Variants in PRKG1 observed in about 807,000 individuals in gnomAD.
PRKG1 encodes the protein protein kinase cGMP-dependent 1.
A neutral mutation model predicts 88.1 loss-of-function variants in PRKG1; 35 were observed. That is an observed-to-expected ratio of 0.40 (90% CI 0.30 to 0.53). PRKG1 has a LOEUF of 0.53. Among genes scored for constraint, PRKG1 ranks in the 20% least tolerant of loss-of-function variants. The pLI, the probability that PRKG1 is intolerant of heterozygous loss-of-function variation, is 0.59. For synonymous variants in PRKG1, 303 were observed against 292.5 expected, an observed-to-expected ratio of 1.04 and a Z score of -0.37; for missense variants, 540 against 839.8, an observed-to-expected ratio of 0.64 and a Z score of 4.41.
At position 52,057,117 on chromosome 10, in the gene PRKG1, G is replaced by A. The variant is rs553084627; in HGVS notation, c.840+2556G>A. 9.2e-5 allele frequency among the ~76,000 whole-genome samples: 14 copies of A among 152,234 alleles called. No individual in the cohort carries two copies. The South Asian group carries it at 2.5e-3, about 27-fold the overall frequency. On this transcript the variant is annotated intron_variant, in intron 6 of 17. Coordinates refer to ENST00000373980, the MANE Select transcript of PRKG1 (RefSeq NM_006258.4). Reference sequence around the variant, plus strand: ...ATCTGTTTCTTGCTACCACCAAACTGGCTTTTTCTTAGAAAATGCTGTGAG... The same window carrying A: ...ATCTGTTTCTTGCTACCACCAAACTAGCTTTTTCTTAGAAAATGCTGTGAG...
chr10:51,532,029 C>G (rs940102679), intron 3 of PRKG1, among the ~76,000 whole-genome samples: 2 of 152,114 alleles, frequency 1.3e-5, no homozygotes, highest in Admixed American at 6.5e-5. Flanking sequence ...TTACAAAAAC[C>G]AGTTCATCTC....
chr10:51,765,815 ATTTTTTTTTTTT>A (rs398046339), intron 3 of PRKG1, among the ~76,000 whole-genome samples: 64,866 of 135,062 alleles, frequency 0.48, 15,032 homozygotes, highest in Middle Eastern at 0.58. Flanking sequence ...GCCTTACATG[ATTTTTTTTTTTT>A]TTTTTTTTTT....
chr10:51,932,585 C>G (rs1842717327), intron 5 of PRKG1, among the ~76,000 whole-genome samples: 1 of 152,098 alleles, frequency 6.6e-6, no homozygotes. Flanking sequence ...TCTAAGTGGA[C>G]AGATGGAGGA....
chr10:52,007,376 G>A (rs1241486248), intron 5 of PRKG1, among the ~76,000 whole-genome samples: 1 of 138,712 alleles, frequency 7.2e-6, no homozygotes, highest in African/African-American at 2.6e-5. Context: ...CTGTCTTCAA[G>A]AGACCCACCT....
chr10:51,484,635 T>C (rs1305234451), intron 3 of PRKG1, among the ~76,000 whole-genome samples: 1 of 152,162 alleles, frequency 6.6e-6, no homozygotes, highest in East Asian at 1.9e-4. Context: ...CAAAGTTTTA[T>C]TGAGCACCTA....
Position 51,074,805 on chromosome 10 carries a change from C to G in PRKG1, c.215C>G (p.Pro72Arg), listed in dbSNP as rs748386318. ...KQSASTLQGE[P>R]RTKRQAISAE... is the part of the protein sequence containing the mutation. ...AGCGCGAGCACCTTGCAGGGCGAGC[C>G]GCGCACCAAGCGGCAGGCGATCTCC... Residue 72 changes from proline (P) to arginine (R), a missense_variant, in exon 1 of 18, where the codon CCG becomes CGG. Coordinates refer to ENST00000373980, the MANE Select transcript of PRKG1 (RefSeq NM_006258.4). 2 of 1,613,860 alleles carry G rather than the reference C, an allele frequency of 1.2e-6. No individual in the cohort carries two copies. Among genetic ancestry groups the G allele is most frequent in the Non-Finnish European group, 8.5e-7 (1 of 1,179,906 alleles).
At chr10:51,699,781 G>T (rs1841416119) in intron 3 of PRKG1, among the ~76,000 whole-genome samples, 1 of 152,218 alleles carries the variant, frequency 6.6e-6, no homozygotes, top group Non-Finnish European at 1.5e-5. Context: ...AGAGTCGCAT[G>T]ATTCCTTTCC....
intron 4 of PRKG1, among the ~76,000 whole-genome samples, chr10:51,850,469 G>C (rs1006094089): frequency 2.0e-5 from 3 of 151,786 alleles, no homozygotes; most frequent in African/African-American, 7.3e-5. Flanking sequence ...AAGCCACAGT[G>C]TCCAGCCCAT....
chr10:51,008,023 C>T (rs891335969), intron 1 of PRKG1, among the ~76,000 whole-genome samples: 1 of 152,132 alleles, frequency 6.6e-6, no homozygotes, highest in Non-Finnish European at 1.5e-5. Context: ...TGGTCCAAGA[C>T]GTCTGGCTCT....
At chr10:51,503,399 T>C (rs886545021) in intron 3 of PRKG1, among the ~76,000 whole-genome samples, 1 of 152,166 alleles carries the variant, frequency 6.6e-6, no homozygotes, top group Admixed American at 6.6e-5. Flanking sequence ...GAAAACCCCA[T>C]TGAAGAGCAT....
intron 2 of PRKG1, among the ~76,000 whole-genome samples, chr10:51,310,139 G>T (rs1387733807): frequency 6.6e-6 from 1 of 152,094 alleles, no homozygotes; most frequent in Non-Finnish European, 1.5e-5. Flanking sequence ...TACCTAATGG[G>T]TATAATGTAC....
chr10:51,577,386 C>T (rs903815206), intron 3 of PRKG1, among the ~76,000 whole-genome samples: 2 of 151,968 alleles, frequency 1.3e-5, no homozygotes, highest in Non-Finnish European at 2.9e-5. Context: ...TTTAAATCAA[C>T]TATATTACTT....
At chr10:51,193,211 G>T (rs1462920853) in intron 2 of PRKG1, among the ~76,000 whole-genome samples, 3 of 152,096 alleles carry the variant, frequency 2.0e-5, no homozygotes, top group South Asian at 4.1e-4. Context: ...ACAGTTTGGG[G>T]AATGAAGGTA....
At chr10:52,231,586 C>T (rs138877362) in intron 9 of PRKG1, among the ~76,000 whole-genome samples, 32 of 152,254 alleles carry the variant, frequency 2.1e-4, no homozygotes, top group Admixed American at 9.8e-4. Flanking sequence ...TTCACCATTA[C>T]GCTAGGTAAC....
intron 5 of PRKG1, among the ~76,000 whole-genome samples, chr10:51,994,807 A>C (rs1844397365): frequency 6.6e-6 from 1 of 152,206 alleles, no homozygotes. Flanking sequence ...CATATGGAGC[A>C]CTGATATCTG....
At chr10:51,812,006 G>A (rs547488767) in intron 4 of PRKG1, among the ~76,000 whole-genome samples, 1 of 152,278 alleles carries the variant, frequency 6.6e-6, no homozygotes, top group East Asian at 1.9e-4. Flanking sequence ...TATGAAGAGT[G>A]CCTGGGTTTA....
At chr10:51,503,583 C>T (rs1360362455) in intron 3 of PRKG1, among the ~76,000 whole-genome samples, 2 of 152,164 alleles carry the variant, frequency 1.3e-5, no homozygotes, top group African/African-American at 2.4e-5. Context: ...CTTAGCCAGC[C>T]TTTGAATCAT....
At chr10:51,937,091 C>T (rs1422058724) in intron 5 of PRKG1, among the ~76,000 whole-genome samples, 1 of 151,932 alleles carries the variant, frequency 6.6e-6, no homozygotes, top group Admixed American at 6.6e-5. Flanking sequence ...AGTTGGAAAA[C>T]ACTTTAAGAA....
Position 52,181,107 on chromosome 10 carries a change from G to C in PRKG1, c.1076+19144G>C, listed in dbSNP as rs557230768. 5.9e-5 allele frequency among the ~76,000 whole-genome samples: 9 copies of C among 152,248 alleles called. No homozygotes were observed. In the East Asian group the frequency reaches 1.7e-3, roughly 29 times the overall value. Reference sequence around the variant, plus strand: ...GTGCACAGTTGCTTGTCCAACCTGGGGGCTTGTCTGCTAGTGACAGCCCTC... The same window carrying C: ...GTGCACAGTTGCTTGTCCAACCTGGCGGCTTGTCTGCTAGTGACAGCCCTC... On this transcript the variant is annotated intron_variant, in intron 9 of 17. Coordinates refer to ENST00000373980, the MANE Select transcript of PRKG1 (RefSeq NM_006258.4).
Sources: allele counts gnomAD v4.1 joint callset (sites outside exome capture counted in the v4.1 genomes callset), GRCh38; gene constraint gnomAD v4.1.1; transcripts MANE v1.5; gene names NCBI Gene and HGNC (gene_info 2026-07-23, HGNC 2026-07-21).